Variants in RBFOX1 observed in about 807,000 individuals in gnomAD.
RBFOX1 encodes RNA binding protein fox-1 homolog 1.
RBFOX1 carries 8 observed loss-of-function variants against 57.7 expected under a neutral mutation model. The observed-to-expected ratio is 0.14, with a 90% CI of 0.08 to 0.25. RBFOX1 has a LOEUF of 0.25. RBFOX1 is among the 10% of genes least tolerant of loss of function. The pLI, the probability that RBFOX1 is intolerant of heterozygous loss-of-function variation, is 1.00. For missense variants in RBFOX1, 611 were observed against 548.5 expected, an observed-to-expected ratio of 1.11 and a Z score of -1.14; for synonymous variants, 326 against 222.4, an observed-to-expected ratio of 1.47 and a Z score of -4.15.
chr16:6,233,568 C>A (rs1351439035), intron 1 of RBFOX1, among the ~76,000 whole-genome samples: 2 of 152,104 alleles, frequency 1.3e-5, no homozygotes, highest in Non-Finnish European at 2.9e-5. Flanking sequence ...AATGTCCTCA[C>A]CCTCTACATT....
chr16:7,362,507 G>GT (rs201760759), intron 4 of RBFOX1, among the ~76,000 whole-genome samples: 39 of 147,982 alleles, frequency 2.6e-4, no homozygotes, highest in African/African-American at 9.8e-4. Flanking sequence ...GTATGTGCAT[G>GT]TTTTTTGTGT....
intron 4 of RBFOX1, among the ~76,000 whole-genome samples, chr16:5,940,544 TTAA>T (rs1241158200): frequency 6.6e-6 from 1 of 152,200 alleles, no homozygotes; most frequent in Non-Finnish European, 1.5e-5. Context: ...TTGTAGAATT[TTAA>T]TGACAGCTTG....
intron 2 of RBFOX1, among the ~76,000 whole-genome samples, chr16:6,535,782 T>G (rs1567593699): frequency 6.6e-6 from 1 of 152,202 alleles, no homozygotes; most frequent in Non-Finnish European, 1.5e-5. Flanking sequence ...ATATGTGTAT[T>G]TAATTAGTCA....
chr16:7,149,273 T>C (rs891076906), intron 4 of RBFOX1, among the ~76,000 whole-genome samples: 17 of 152,048 alleles, frequency 1.1e-4, no homozygotes, highest in Admixed American at 7.9e-4. Flanking sequence ...AATATGACTG[T>C]TTGCTTGTTA....
At chr16:6,550,204 G>A (rs1183440734) in intron 2 of RBFOX1, among the ~76,000 whole-genome samples, 1 of 152,016 alleles carries the variant, frequency 6.6e-6, no homozygotes, top group Non-Finnish European at 1.5e-5. Flanking sequence ...GGGGGACAGA[G>A]TCTTACTCTG....
intron 1 of RBFOX1, among the ~76,000 whole-genome samples, chr16:6,303,371 G>T (rs2079057665): frequency 6.6e-6 from 1 of 151,954 alleles, no homozygotes; most frequent in Non-Finnish European, 1.5e-5. Context: ...CTACAGAGTG[G>T]AGGATGGCTT....
chr16:6,590,039 G>A (rs2097688798), intron 2 of RBFOX1, among the ~76,000 whole-genome samples: 1 of 151,984 alleles, frequency 6.6e-6, no homozygotes, highest in African/African-American at 2.4e-5. Flanking sequence ...GGATCTCTTG[G>A]CCAAAAAGAA....
chr16:6,438,179 C>T (rs1005513214), intron 2 of RBFOX1, among the ~76,000 whole-genome samples: 5 of 152,126 alleles, frequency 3.3e-5, no homozygotes, highest in Admixed American at 1.3e-4. Context: ...TTAAAAAGAC[C>T]GTACAATGTA....
chr16:7,122,990 A>G (rs1364561098), intron 4 of RBFOX1, among the ~76,000 whole-genome samples: 1 of 152,126 alleles, frequency 6.6e-6, no homozygotes, highest in Non-Finnish European at 1.5e-5. Flanking sequence ...GACATCTGCA[A>G]GAAAGAAAGC....
chr16:6,378,199 G>A (rs368708328), intron 2 of RBFOX1, among the ~76,000 whole-genome samples: 4 of 152,166 alleles, frequency 2.6e-5, no homozygotes, highest in Admixed American at 6.6e-5. Flanking sequence ...GTTTGTCCTC[G>A]CCTCAGCTCC....
chr16:7,304,846 C>T (rs1350909920), intron 4 of RBFOX1, among the ~76,000 whole-genome samples: 1 of 151,692 alleles, frequency 6.6e-6, no homozygotes, highest in East Asian at 1.9e-4. Context: ...GGAGGCATTC[C>T]GGTGCCTGTA....
At chr16:5,856,217 GTA>G (rs1491051275) in intron 3 of RBFOX1, among the ~76,000 whole-genome samples, 9,406 of 32,030 alleles carry the variant, frequency 0.29, 1,054 homozygotes, top group Non-Finnish European at 0.37. Context: ...ACATATATAT[GTA>G]TATATATATG....
intron 3 of RBFOX1, among the ~76,000 whole-genome samples, chr16:6,968,631 C>A (rs1276597372): frequency 6.6e-6 from 1 of 152,054 alleles, no homozygotes; most frequent in Non-Finnish European, 1.5e-5. Flanking sequence ...TTTGCATTTA[C>A]ACAACGTGCC....
intron 2 of RBFOX1, among the ~76,000 whole-genome samples, chr16:6,414,291 A>G (rs1162946625): frequency 6.6e-6 from 1 of 152,192 alleles, no homozygotes; most frequent in Non-Finnish European, 1.5e-5. Flanking sequence ...ATGTAGACAT[A>G]TGTACTTATA....
intron 1 of RBFOX1, among the ~76,000 whole-genome samples, chr16:5,466,097 C>G (rs1031868730): frequency 1.3e-5 from 2 of 152,224 alleles, no homozygotes; most frequent in East Asian, 3.9e-4. Context: ...GTTATGGTAT[C>G]TTCTCCCACT....
At chr16:6,541,649 G>A (rs903503564) in intron 2 of RBFOX1, among the ~76,000 whole-genome samples, 1 of 152,216 alleles carries the variant, frequency 6.6e-6, no homozygotes, top group Admixed American at 6.5e-5. Context: ...CACCTAGGTG[G>A]AAATTTAATT....
intron 4 of RBFOX1, among the ~76,000 whole-genome samples, chr16:7,465,948 A>G (rs1287525828): frequency 6.6e-6 from 1 of 152,260 alleles, no homozygotes; most frequent in South Asian, 2.1e-4. Context: ...TAAAAGAATG[A>G]CAGACTGGAT....
At chr16:5,346,313 C>T (rs1027599889) in intron 1 of RBFOX1, among the ~76,000 whole-genome samples, 1 of 152,208 alleles carries the variant, frequency 6.6e-6, no homozygotes, top group African/African-American at 2.4e-5. Flanking sequence ...TTGCCTGGCA[C>T]ATCTTCAGCA....
intron 4 of RBFOX1, among the ~76,000 whole-genome samples, chr16:5,932,587 C>T (rs1400595264): frequency 1.3e-5 from 2 of 152,032 alleles, no homozygotes; most frequent in Non-Finnish European, 2.9e-5. Context: ...ATTTGTTCTG[C>T]AGCAATAGAA....
Sources: allele counts gnomAD v4.1 joint callset (sites outside exome capture counted in the v4.1 genomes callset), GRCh38; gene constraint gnomAD v4.1.1; transcripts MANE v1.5; gene names NCBI Gene and HGNC (gene_info 2026-07-23, HGNC 2026-07-21).